The following ABI3BP variants were observed in gnomAD, a reference collection of about 807,000 sequenced individuals.
ABI3BP encodes target of Nesh-SH3.
ABI3BP carries 216 observed loss-of-function variants against 268.6 expected under a neutral mutation model. The observed-to-expected ratio is 0.80, with a 90% CI of 0.72 to 0.90. The LOEUF is 0.90. ABI3BP is among the 40% of genes least tolerant of loss of function. The probability of loss-of-function intolerance (pLI) is 0.00; values close to 1 mark genes in which losing one functional copy is unlikely to be tolerated. For synonymous variants in ABI3BP, 730 were observed against 730.0 expected, an observed-to-expected ratio of 1.00 and a Z score of 0.00; for missense variants, 2,090 against 2,182.4, an observed-to-expected ratio of 0.96 and a Z score of 0.84.
intron 41 of ABI3BP, 96 bp from the exon 42 acceptor site, chr3:100,817,591 T>C: frequency 1.0e-6 from 1 of 977,888 alleles, no homozygotes; most frequent in East Asian, 2.7e-5. Context: ...GTAAGGCTTG[T>C]TTTTTGCAGA....
chr3:100,879,950 T>C (rs1423780197), intron 6 of ABI3BP, among the ~76,000 whole-genome samples: 2 of 152,162 alleles, frequency 1.3e-5, no homozygotes, highest in African/African-American at 2.4e-5. Flanking sequence ...CTATGTCTTA[T>C]CAAATAAAAG....
At position 100,801,394 on chromosome 3, in the gene ABI3BP, C is replaced by T. The variant is rs913736822; in HGVS notation, c.3757+3398G>A. Among the ~76,000 whole-genome samples, 3 of 141,912 alleles carry T rather than the reference C, an allele frequency of 2.1e-5. No individual in the cohort carries two copies. In the Admixed American group the frequency reaches 2.2e-4, roughly 10 times the overall value. The allele number at this position is 141,912 out of a possible 152,430, so 93.1% of individuals were successfully genotyped here. ...AGTGAGCTATGATTGCATCATTACACTCCAGCCTGGGCAACAGAGTGATAT... is the reference window on the plus strand; with the variant it reads ...AGTGAGCTATGATTGCATCATTACATTCCAGCCTGGGCAACAGAGTGATAT... On this transcript the variant is annotated intron_variant, in intron 51 of 67. Coordinates refer to ENST00000471714, the MANE Select transcript of ABI3BP (RefSeq NM_001375547.2).
intron 1 of ABI3BP, among the ~76,000 whole-genome samples, chr3:100,989,294 AACAG>A (rs764837176): frequency 6.6e-6 from 1 of 152,204 alleles, no homozygotes; most frequent in Non-Finnish European, 1.5e-5. Flanking sequence ...AGAAGCACGA[AACAG>A]ACAAAGACAA....
Position 100,770,795 on chromosome 3 carries a change from G to T in ABI3BP, c.4689C>A (p.Cys1563Ter). The change falls in exon 62 of 68, where the codon TGC (cysteine) becomes TGA (stop). Residue 1563 changes from cysteine (C) to a stop codon, truncating the protein, a stop_gained. Transcript: ENST00000471714. LOFTEE classifies it high-confidence loss of function. The stretch of plus-strand genomic sequence containing the variant: ...CCCAGTCCAAGATGACAAATGAGGG[G>T]CACCCTTCCACGGTGACCACAGTGA... ...TNLTVVTVEG[C>*]PSFVILDWEK... 6.4e-7 allele frequency: 1 copy of T among 1,567,684 alleles called. No individual in the cohort carries two copies.
intron 59 of ABI3BP, 150 bp from the exon 60 acceptor site, chr3:100,775,485 G>C (rs2096672357): frequency 9.7e-7 from 1 of 1,029,618 alleles, no homozygotes; most frequent in African/African-American, 1.6e-5. Flanking sequence ...CCTGATTCTT[G>C]GTGGAGATAG....
At chr3:100,924,271 A>G (rs2061162253) in intron 2 of ABI3BP, among the ~76,000 whole-genome samples, 1 of 152,178 alleles carries the variant, frequency 6.6e-6, no homozygotes, top group African/African-American at 2.4e-5. Flanking sequence ...AATATATCAT[A>G]TAGACCTGTT....
intron 9 of ABI3BP, among the ~76,000 whole-genome samples, chr3:100,871,819 T>C (rs747125242): frequency 2.0e-5 from 3 of 152,180 alleles, no homozygotes; most frequent in Non-Finnish European, 4.4e-5. Flanking sequence ...TGTTAAATTT[T>C]CTATGTGTTC....
chr3:100,782,848 G>C (rs1171587472), intron 57 of ABI3BP, among the ~76,000 whole-genome samples: 1 of 152,156 alleles, frequency 6.6e-6, no homozygotes, highest in African/African-American at 2.4e-5. Context: ...CAATTAGACA[G>C]TCTGGCCCAA....
intron 44 of ABI3BP, among the ~76,000 whole-genome samples, chr3:100,814,613 T>G (rs1405609086): frequency 6.6e-6 from 1 of 152,116 alleles, no homozygotes; most frequent in Non-Finnish European, 1.5e-5. Flanking sequence ...TAAGAAAACC[T>G]TAGGGTTTCT....
rs1166774390 is a variant in ABI3BP at position 100,865,993 on chromosome 3, C to A, written c.988+886G>T. ...TTCTTTGGAAAAGGACCATATTCAC[C>A]TTGCTCTCTCAGACATATTCCTACT... is the stretch of plus-strand genomic sequence containing the variant. On this transcript the variant is annotated intron_variant, in intron 10 of 67. Transcript: ENST00000471714. Among the ~76,000 whole-genome samples the A allele has an allele frequency of 6.6e-5, 10 of 152,190 alleles. No homozygotes were observed. The East Asian group carries it at 1.9e-3, about 29-fold the overall frequency.
At chr3:100,789,285 T>C (rs768493270) in intron 56 of ABI3BP, among the ~76,000 whole-genome samples, 169 bp downstream of exon 56, 2 of 152,084 alleles carry the variant, frequency 1.3e-5, no homozygotes, top group Non-Finnish European at 2.9e-5. Context: ...TCAAGTCTTG[T>C]CACATTTATG....
At chr3:100,934,213 A>G (rs560614983) in intron 1 of ABI3BP, among the ~76,000 whole-genome samples, 33 of 151,020 alleles carry the variant, frequency 2.2e-4, no homozygotes, top group African/African-American at 7.3e-4. Flanking sequence ...ACTCCCACTT[A>G]TGATTGAGAA....
At chr3:100,975,858 G>T (rs998486488) in intron 1 of ABI3BP, among the ~76,000 whole-genome samples, 8 of 152,046 alleles carry the variant, frequency 5.3e-5, no homozygotes, top group African/African-American at 1.9e-4. Context: ...GAGGGTATTT[G>T]GTCTGGGAAG....
intron 4 of ABI3BP, among the ~76,000 whole-genome samples, chr3:100,887,611 T>C (rs2042579111): frequency 6.6e-6 from 1 of 152,088 alleles, no homozygotes; most frequent in Admixed American, 6.6e-5. Flanking sequence ...AACATACGCA[T>C]TGGGTAAACT....
At position 100,923,438 on chromosome 3, in the gene ABI3BP, C is replaced by G. The variant is rs56322248; in HGVS notation, c.259+2864G>C. Among the ~76,000 whole-genome samples, 724 of 152,184 alleles carry G rather than the reference C, an allele frequency of 4.8e-3. 9 individuals carry two copies. The highest frequency in any genetic ancestry group is 0.016 in the African/African-American group (651 of 41,526). On this transcript the variant is annotated intron_variant, in intron 2 of 67. Coordinates refer to ENST00000471714, the MANE Select transcript of ABI3BP (RefSeq NM_001375547.2). ...AAGAAGTTTTCAGTATTATAGTTAA[C>G]CAAAGTAAATAATCGAGCATATTTA...
chr3:100,750,678 T>A, intron 67 of ABI3BP, 68 bp from the exon 68 acceptor site: 1 of 1,132,690 alleles, frequency 8.8e-7, no homozygotes, highest in Non-Finnish European at 1.3e-6. Flanking sequence ...GCTCATAGAT[T>A]GAAGGATGTC....
intron 3 of ABI3BP, among the ~76,000 whole-genome samples, chr3:100,899,837 G>T (rs2049383983): frequency 6.6e-6 from 1 of 152,174 alleles, no homozygotes; most frequent in Admixed American, 6.5e-5. Context: ...TGTTGTATTT[G>T]CTCTAGAAAG....
intron 50 of ABI3BP, among the ~76,000 whole-genome samples, chr3:100,806,143 C>T (rs1392439423): frequency 2.6e-5 from 4 of 151,996 alleles, no homozygotes; most frequent in Non-Finnish European, 4.4e-5. Flanking sequence ...TAGATTTAAG[C>T]GTTGCCAATT....
chr3:100,842,985 C>T (rs931023544), intron 20 of ABI3BP, among the ~76,000 whole-genome samples: 9 of 152,158 alleles, frequency 5.9e-5, no homozygotes, highest in Non-Finnish European at 1.3e-4. Context: ...TAATATTAGA[C>T]TTATCAGGAA....
Sources: gnomAD v4.1 joint callset for allele counts (sites outside exome capture counted in the v4.1 genomes callset) on GRCh38, gnomAD v4.1.1 for gene constraint, MANE v1.5 for transcripts, NCBI Gene and HGNC (gene_info 2026-07-23, HGNC 2026-07-21) for gene names.